The following FARS2 variants were observed in gnomAD, a reference collection of about 807,000 sequenced individuals.
The protein encoded by FARS2 is phenylalanine--tRNA ligase, mitochondrial.
FARS2 carries 40 observed loss-of-function variants against 46.4 expected under a neutral mutation model. The observed-to-expected ratio is 0.86, with a 90% CI of 0.67 to 1.12. The LOEUF is 1.12. FARS2 is among the 50% of genes most tolerant of loss of function. The pLI is 0.00. For synonymous variants in FARS2, 234 were observed against 214.9 expected (o/e 1.09, Z -0.78); for missense variants, 513 against 567.9 (o/e 0.90, Z 0.98).
chr6:5,429,450 T>TCTCAA (rs1763036167), intron 3 of FARS2, among the ~76,000 whole-genome samples: 1 of 152,236 alleles, frequency 6.6e-6, no homozygotes, highest in Non-Finnish European at 1.5e-5. Context: ...CACTCTTGTC[T>TCTCAA]AATGTTTGAC....
At chr6:5,647,434 C>T (rs554511533) in intron 6 of FARS2, among the ~76,000 whole-genome samples, 5 of 152,302 alleles carry the variant, frequency 3.3e-5, no homozygotes, top group Non-Finnish European at 7.4e-5. Context: ...AAAATGGAAA[C>T]TAACACGAGC....
chr6:5,360,854 T>C (rs1246343604), intron 1 of FARS2, among the ~76,000 whole-genome samples: 1 of 152,180 alleles, frequency 6.6e-6, no homozygotes. Context: ...GTTCTGAATT[T>C]AGAAAAATTG....
chr6:5,651,869 C>A (rs1777382864), intron 6 of FARS2, among the ~76,000 whole-genome samples: 1 of 152,082 alleles, frequency 6.6e-6, no homozygotes, highest in Non-Finnish European at 1.5e-5. Context: ...AGATTTGAAC[C>A]CAGGCTGTCC....
chr6:5,253,242 T>C, the FARS2 span, among the ~76,000 whole-genome samples: 1 of 152,244 alleles, frequency 6.6e-6, no homozygotes, highest in Non-Finnish European at 1.5e-5. Context: ...TACAATAACA[T>C]ATTTCTTAAG....
At chr6:5,614,640 C>T (rs1423405105) in intron 6 of FARS2, among the ~76,000 whole-genome samples, 2 of 152,184 alleles carry the variant, frequency 1.3e-5, no homozygotes, top group Non-Finnish European at 2.9e-5. Flanking sequence ...ACCTCATGAT[C>T]CGCCCGCCTG....
intron 1 of FARS2, among the ~76,000 whole-genome samples, chr6:5,323,253 C>CA (rs1770112460): frequency 6.6e-6 from 1 of 152,054 alleles, no homozygotes; most frequent in Non-Finnish European, 1.5e-5. Context: ...TTTTCCCTCT[C>CA]AAAAAAGTTT....
intron 6 of FARS2, among the ~76,000 whole-genome samples, chr6:5,682,856 G>A (rs983262183): frequency 1.2e-4 from 19 of 152,224 alleles, no homozygotes; most frequent in Non-Finnish European, 2.1e-4. Flanking sequence ...GGGGCAGAGA[G>A]TGAAGTGAAA....
rs77382156 is a variant in FARS2, at chr6:5,636,830, T to G, written c.1217+23510T>G. On this transcript the variant is annotated intron_variant, in intron 6 of 6. Transcript: ENST00000274680. ...TTTCTGTCCCTTGAGAGCCTCTTCA[T>G]TAGCCTAAGTGTCCACCTCGATCAT... Among the ~76,000 whole-genome samples the G allele has an allele frequency of 8.5e-3, 1,300 of 152,294 alleles. 28 individuals carry two copies. The highest frequency in any genetic ancestry group is 0.03 in the African/African-American group (1,226 of 41,548).
At chr6:5,650,461 C>T (rs1174285973) in intron 6 of FARS2, among the ~76,000 whole-genome samples, 1 of 152,050 alleles carries the variant, frequency 6.6e-6, no homozygotes, top group Non-Finnish European at 1.5e-5. Context: ...AAAAAATTAA[C>T]CCTCTAACAA....
intron 4 of FARS2, among the ~76,000 whole-genome samples, chr6:5,468,537 G>A (rs1020079326): frequency 6.6e-6 from 1 of 152,152 alleles, no homozygotes; most frequent in Admixed American, 6.5e-5. Context: ...GAATACTTAT[G>A]TTTTAAAATA....
intron 1 of FARS2, among the ~76,000 whole-genome samples, chr6:5,312,424 ATTG>A (rs138150864): frequency 0.011 from 1,658 of 152,286 alleles, 37 homozygotes; most frequent in African/African-American, 0.038. Context: ...CTGAGGACTT[ATTG>A]TTTGATATTT....
chr6:5,364,402 T>C (rs1360424278), intron 1 of FARS2, among the ~76,000 whole-genome samples: 1 of 152,214 alleles, frequency 6.6e-6, no homozygotes, highest in Non-Finnish European at 1.5e-5. Flanking sequence ...TTATATTGTA[T>C]TTTCTCTTCT....
chr6:5,566,770 TG>T (rs1191183667), intron 5 of FARS2, among the ~76,000 whole-genome samples: 2 of 152,230 alleles, frequency 1.3e-5, no homozygotes, highest in Non-Finnish European at 2.9e-5. Flanking sequence ...CCTTGTTACT[TG>T]ACTTTAGCCA....
At chr6:5,465,908 T>C (rs1255254489) in intron 4 of FARS2, among the ~76,000 whole-genome samples, 2 of 152,176 alleles carry the variant, frequency 1.3e-5, no homozygotes, top group Non-Finnish European at 2.9e-5. Flanking sequence ...TATCAACCTC[T>C]GTCTGGATTC....
At chr6:5,405,480 C>CTTTTTTTTGTTTTTTTTTTTTTTT (rs1761521164) in intron 3 of FARS2, among the ~76,000 whole-genome samples, 1 of 58,942 alleles carries the variant, frequency 1.7e-5, no homozygotes, top group Non-Finnish European at 3.1e-5. Context: ...GAGCAAGGTT[C>CTTTTTTTTGTTTTTTTTTTTTTTT]TTTTTTTTTT....
chr6:5,765,495 C>G lies in FARS2; in HGVS notation c.1218-5796C>G, dbSNP rs766827423. The stretch of plus-strand genomic sequence containing the variant: ...GGGCTGTCTTATATTCTGTTTGCCC[C>G]TCTCAAGAGGTAAGCTCCTAGCAGG... On this transcript the variant is annotated intron_variant, in intron 6 of 6. Coordinates refer to ENST00000274680, the MANE Select transcript of FARS2 (RefSeq NM_006567.5). This position sits in a 1 kb window ranked among gnomAD's most constrained non-coding sequence, Gnocchi z 4.0. Among the ~76,000 whole-genome samples the G allele has an allele frequency of 6.6e-6, 1 of 152,174 alleles. No individual in the cohort carries two copies. Among genetic ancestry groups the G allele is most frequent in the Non-Finnish European group, 1.5e-5 (1 of 68,036 alleles).
intron 2 of FARS2, among the ~76,000 whole-genome samples, chr6:5,379,729 G>A (rs77968717): frequency 0.02 from 3,018 of 152,298 alleles, 104 homozygotes; most frequent in South Asian, 0.093. Context: ...ATGGGGTACC[G>A]AGGAGAGCAG....
At position 5,563,069 on chromosome 6, in the gene FARS2, C is replaced by T. The variant is rs189762197; in HGVS notation, c.1065+17729C>T. On this transcript the variant is annotated intron_variant, in intron 5 of 6. Transcript: ENST00000274680. ...GGAGAGGAAAGAAGGAAGAAGCTCC[C>T]CCGTACAGAGACAGAGGGAGGGGGG... 2.8e-3 allele frequency among the ~76,000 whole-genome samples: 418 copies of T among 147,674 alleles called. 2 individuals carry two copies. Among genetic ancestry groups the T allele is most frequent in the African/African-American group, 0.01 (400 of 39,630 alleles).
intron 4 of FARS2, among the ~76,000 whole-genome samples, chr6:5,483,659 T>A (rs2150347276): frequency 6.6e-6 from 1 of 151,688 alleles, no homozygotes; most frequent in South Asian, 2.1e-4. Context: ...AGAGTGAGAC[T>A]CTGTCTCAAA....
Sources: gnomAD v4.1 joint callset for allele counts (sites outside exome capture counted in the v4.1 genomes callset) on GRCh38, gnomAD v4.1.1 for gene constraint, Gnocchi (gnomAD v3.1) non-coding constraint, MANE v1.5 for transcripts, NCBI Gene and HGNC (gene_info 2026-07-23, HGNC 2026-07-21) for gene names.